The following UPRT variants were observed in gnomAD, a reference collection of about 807,000 sequenced individuals.
UPRT encodes the protein RP11-311P8.3.
In UPRT, 5 loss-of-function variants were observed where a neutral mutation model predicts 22.6. The observed-to-expected ratio is 0.22, with a 90% CI of 0.12 to 0.47. UPRT has a LOEUF of 0.47. Ranked by LOEUF, UPRT falls within the 20% of genes least tolerant of loss-of-function variation. UPRT has a pLI of 0.99. For synonymous variants in UPRT, 77 were observed against 87.7 expected (o/e 0.88, Z 0.68); for missense variants, 181 against 239.9 (o/e 0.75, Z 1.62).
chrX:75,225,323 C>CCACACACACACA (rs57493246), intron 4 of UPRT, among the ~76,000 whole-genome samples: 854 of 82,019 alleles, frequency 0.01, 26 homozygotes, highest in African/African-American at 0.03. Context: ...AAACCAAAAA[C>CCACACACACACA]CACACACACA....
At chrX:75,177,500 G>A (rs1205652828) in intron 4 of UPRT, among the ~76,000 whole-genome samples, 1 of 110,714 alleles carries the variant, frequency 9.0e-6, no homozygotes, top group Admixed American at 9.6e-5. Flanking sequence ...ACCTGTTAGA[G>A]TCCTAAGCAT....
At chrX:75,168,817 C>CCG (rs2082219371) in intron 4 of UPRT, among the ~76,000 whole-genome samples, 1 of 111,344 alleles carries the variant, frequency 9.0e-6, no homozygotes, top group African/African-American at 3.3e-5. Flanking sequence ...GCATGAGCCA[C>CCG]TGTGCCTGGC....
Position 75,254,495 on chromosome X carries a change from A to G in UPRT, c.-446-36529A>G, listed in dbSNP as rs919539743. 8.0e-5 allele frequency among the ~76,000 whole-genome samples: 9 copies of G among 112,218 alleles called. No individual in the cohort carries two copies. In the East Asian group the frequency reaches 2.2e-3, roughly 28 times the overall value. On this transcript the variant is annotated intron_variant, in intron 4 of 13. Transcript: ENST00000652605. ...GCAACAAAGACAAAAAAATTTAAGA[A>G]AACATAAACAAAGCCTCCAAGAAGT...
intron 4 of UPRT, among the ~76,000 whole-genome samples, chrX:75,231,659 A>C (rs2082438851): frequency 8.9e-6 from 1 of 112,055 alleles, no homozygotes; most frequent in Admixed American, 9.5e-5. Context: ...CAGGTTATCT[A>C]AAGTCAAGAC....
rs762791204 is a variant in UPRT, at chrX:75,209,326, C to T, written c.-447+41447C>T. 3.6e-5 allele frequency among the ~76,000 whole-genome samples: 4 copies of T among 111,182 alleles called. No individual in the cohort carries two copies. In the South Asian group the frequency reaches 1.5e-3, roughly 43 times the overall value. The stretch of plus-strand genomic sequence containing the variant: ...CAGTCTTCAGTTAGAGGTGATGAAG[C>T]GGGAGGAAGAGTTTGGCTGAGCACA... On this transcript the variant is annotated intron_variant, in intron 4 of 13. Transcript: ENST00000652605.
chrX:75,232,566 T>C (rs2082442458), intron 4 of UPRT, among the ~76,000 whole-genome samples: 1 of 112,218 alleles, frequency 8.9e-6, no homozygotes, highest in South Asian at 3.7e-4. Context: ...GCAGTGGTTC[T>C]CCCAGCACGC....
At chrX:75,195,436 G>A (rs2082330100) in intron 4 of UPRT, among the ~76,000 whole-genome samples, 1 of 111,748 alleles carries the variant, frequency 8.9e-6, no homozygotes, top group African/African-American at 3.3e-5. Flanking sequence ...GTCTCCTAGG[G>A]GAGCAATGTA....
chrX:75,235,300 T>C lies in UPRT; in HGVS notation c.-446-55724T>C, dbSNP rs191949545. Among the ~76,000 whole-genome samples the C allele has an allele frequency of 2.6e-3, 290 of 110,680 alleles. 1 individual carries two copies. The highest frequency in any genetic ancestry group is 0.018 in the East Asian group (63 of 3,496). ...TGACATTGAGGCAATAATCAATAGCTTACCAACCAAAAAGAGTCCAGGACC... is the reference window on the plus strand; with the variant it reads ...TGACATTGAGGCAATAATCAATAGCCTACCAACCAAAAAGAGTCCAGGACC... On this transcript the variant is annotated intron_variant, in intron 4 of 13. Transcript: ENST00000652605.
At chrX:75,194,214 G>A (rs1248339095) in intron 4 of UPRT, among the ~76,000 whole-genome samples, 2 of 111,958 alleles carry the variant, frequency 1.8e-5, no homozygotes, top group Admixed American at 1.9e-4. Context: ...ATTTCTGAAA[G>A]ATTTTCAGGG....
At chrX:75,246,282 G>C in intron 4 of UPRT, among the ~76,000 whole-genome samples, 1 of 84,235 alleles carries the variant, frequency 1.2e-5, no homozygotes, top group East Asian at 4.0e-4. Flanking sequence ...AGGCCTCGGT[G>C]TGTGATGTTC....
intron 1 of UPRT, among the ~76,000 whole-genome samples, chrX:75,281,431 G>T (rs1010388446): frequency 2.7e-5 from 3 of 111,055 alleles, no homozygotes; most frequent in Admixed American, 9.6e-5. Context: ...ACATTAAGTT[G>T]TGTCCTTTCT....
At chrX:75,266,043 C>A (rs897474237) in intron 4 of UPRT, among the ~76,000 whole-genome samples, 1 of 111,100 alleles carries the variant, frequency 9.0e-6, no homozygotes, top group Non-Finnish European at 1.9e-5. Flanking sequence ...CAATGCCATC[C>A]CCATCAAGCT....
At chrX:75,232,984 C>T (rs1362921055) in intron 4 of UPRT, among the ~76,000 whole-genome samples, 1 of 111,841 alleles carries the variant, frequency 8.9e-6, no homozygotes, top group African/African-American at 3.3e-5. Flanking sequence ...GATCAAATTA[C>T]TCCGAGCTAC....
intron 3 of UPRT, among the ~76,000 whole-genome samples, chrX:75,165,171 G>C (rs1212502279): frequency 9.1e-6 from 1 of 109,986 alleles, no homozygotes; most frequent in Non-Finnish European, 1.9e-5. Context: ...CTCAACAGAA[G>C]TGGAGAACAG....
At chrX:75,301,048 G>T in intron 6 of UPRT, 83 bp downstream of exon 6, 1 of 657,115 alleles carries the variant, frequency 1.5e-6, no homozygotes, top group Non-Finnish European at 2.3e-6. Context: ...CTAATCCTGA[G>T]GAAAAGTTTA....
chrX:75,198,642 T>G (rs4892558), intron 4 of UPRT, among the ~76,000 whole-genome samples: 14,336 of 111,478 alleles, frequency 0.13, 1,577 homozygotes, highest in East Asian at 0.91. Flanking sequence ...AGAGAAAAAT[T>G]GATAAACTAG....
At chrX:75,190,524 T>G (rs968599500) in intron 4 of UPRT, among the ~76,000 whole-genome samples, 5 of 111,967 alleles carry the variant, frequency 4.5e-5, no homozygotes, top group Non-Finnish European at 9.4e-5. Flanking sequence ...AATATTGGCC[T>G]GTCTTGCTAG....
rs183871961 is a variant in UPRT at position 75,190,337 on chromosome X, C to T, written c.-447+22458C>T. The stretch of plus-strand genomic sequence containing the variant: ...CTCTTCTGGCTTGTAGAGTTTCTGC[C>T]GAGAGATCTGCTGTTAGTCTGACGG... On this transcript the variant is annotated intron_variant, in intron 4 of 13. Transcript: ENST00000652605. Among the ~76,000 whole-genome samples the T allele has an allele frequency of 8.6e-4, 96 of 111,921 alleles. No homozygotes were observed. In the East Asian group the frequency reaches 0.017, roughly 19 times the overall value.
Position 75,274,723 on chromosome X carries a change from C to G in UPRT, c.386+83C>G. The G allele has an allele frequency of 6.5e-6, 7 of 1,069,105 alleles. No homozygotes were observed. In the South Asian group the frequency reaches 1.7e-4, roughly 25 times the overall value. The allele number at this position is 1,069,105 out of a possible 1,213,427, so 88.1% of individuals were successfully genotyped here. A position where few individuals can be genotyped will look rare whatever the true frequency, so the allele number is the denominator to read the frequency against. Reference sequence around the variant, plus strand: ...GATTGGAAGTAAAAGGGCTAAGAGACAGTGTTCTTGGCCTTGGCAAACTTT... The same window carrying G: ...GATTGGAAGTAAAAGGGCTAAGAGAGAGTGTTCTTGGCCTTGGCAAACTTT... On this transcript the variant is annotated intron_variant, in intron 1 of 6. Coordinates refer to ENST00000373383, the MANE Select transcript of UPRT (RefSeq NM_145052.4).
Sources: gnomAD v4.1 joint callset for allele counts (sites outside exome capture counted in the v4.1 genomes callset) on GRCh38, gnomAD v4.1.1 for gene constraint, MANE v1.5 for transcripts, NCBI Gene and HGNC (gene_info 2026-07-23, HGNC 2026-07-21) for gene names.